Variants in AVEN observed in about 807,000 individuals in gnomAD.
AVEN encodes the protein apoptosis and caspase activation inhibitor.
Under a neutral mutation model 38.1 loss-of-function variants are expected in AVEN, and 41 were observed. That is an observed-to-expected ratio of 1.08 (90% CI 0.84 to 1.40). AVEN has a LOEUF of 1.40. Ranked by LOEUF, AVEN falls within the 40% of genes most tolerant of loss-of-function variation. The pLI is 0.00. For synonymous variants in AVEN, 206 were observed against 171.8 expected (o/e 1.20, Z -1.56); for missense variants, 605 against 438.8 (o/e 1.38, Z -3.38).
At chr15:33,890,189 T>C (rs981730673) in intron 2 of AVEN, among the ~76,000 whole-genome samples, 1 of 152,194 alleles carries the variant, frequency 6.6e-6, no homozygotes, top group Non-Finnish European at 1.5e-5. Flanking sequence ...GTCTGAGGTA[T>C]ATAGTGATCT....
chr15:33,859,743 A>T, intron 11 of AVEN: 1 of 1,599,944 alleles, frequency 6.3e-7, no homozygotes. Flanking sequence ...TATGATTGCC[A>T]ATTGTGTTGA....
intron 2 of AVEN, among the ~76,000 whole-genome samples, chr15:33,904,728 C>CACACACAT (rs1454976569): frequency 1.3e-5 from 2 of 149,450 alleles, no homozygotes. Context: ...CACACACACA[C>CACACACAT]GAATATGCAC....
rs200355232 is a variant in AVEN at position 34,008,483 on chromosome 15, C to CTT, written c.268-5276_268-5275dup. Among the ~76,000 whole-genome samples, 232 of 119,202 alleles carry CTT rather than the reference C, an allele frequency of 1.9e-3. 1 individual carries two copies. Among genetic ancestry groups the CTT allele is most frequent in the African/African-American group, 8.0e-3 (183 of 22,916 alleles). The allele number at this position is 119,202 out of a possible 152,430, so 78.2% of individuals were successfully genotyped here. A position where few individuals can be genotyped will look rare whatever the true frequency, so the allele number is the denominator to read the frequency against. ...AAACTTCCCAAAGTTGATGAAAAAC[C>CTT]TTTTTTTTTTTTTTTTTTTTTTTGA... On this transcript the variant is annotated intron_variant, in intron 1 of 5. Coordinates refer to ENST00000306730, the MANE Select transcript of AVEN (RefSeq NM_020371.3).
chr15:34,036,544 G>A (rs1398748087), intron 1 of AVEN, among the ~76,000 whole-genome samples: 1 of 152,050 alleles, frequency 6.6e-6, no homozygotes, highest in Admixed American at 6.5e-5. Flanking sequence ...CTCATGTAAT[G>A]GTTAAGCACC....
chr15:34,063,990 CA>C lies in AVEN; in HGVS notation n.1127-559del, dbSNP rs1244612850. 1 of 1,614,064 alleles carries C rather than the reference CA, an allele frequency of 6.2e-7. No individual in the cohort carries two copies. The highest frequency in any genetic ancestry group is 8.5e-7 in the Non-Finnish European group (1 of 1,180,040). On this transcript the variant is annotated intron_variant and non_coding_transcript_variant, in intron 4 of 11. Transcript: ENST00000675287. This position sits in a 1 kb window ranked among gnomAD's most constrained non-coding sequence, Gnocchi z 4.1. The stretch of plus-strand genomic sequence containing the variant: ...AGGCCTCAATCCCAACCCCAGCCAT[CA>C]AATGACCAAACGAAAGAGAGTGGTC...
intron 2 of AVEN, among the ~76,000 whole-genome samples, chr15:33,958,857 C>T (rs527979130): frequency 1.3e-5 from 2 of 152,216 alleles, no homozygotes; most frequent in East Asian, 3.9e-4. Context: ...TAGGTGTGCT[C>T]GTGTCTTTTA....
chr15:33,951,800 A>G (rs1894761443), intron 2 of AVEN, among the ~76,000 whole-genome samples: 1 of 152,208 alleles, frequency 6.6e-6, no homozygotes, highest in African/African-American at 2.4e-5. Context: ...AATGATAAGA[A>G]GAAATTGTTT....
chr15:34,054,160 T>A, intron 5 of AVEN, among the ~76,000 whole-genome samples: 1 of 152,102 alleles, frequency 6.6e-6, no homozygotes, highest in East Asian at 1.9e-4. Flanking sequence ...ATGACTATTA[T>A]TAAAACTCGA....
intron 2 of AVEN, among the ~76,000 whole-genome samples, chr15:33,967,602 A>G (rs1391981341): frequency 6.6e-6 from 1 of 151,990 alleles, no homozygotes; most frequent in Non-Finnish European, 1.5e-5. Context: ...ATGTTCCATA[A>G]TAATTTTTTA....
rs144463162 is a variant in AVEN at position 33,961,458 on chromosome 15, A to G, written c.445+41574T>C. On this transcript the variant is annotated intron_variant, in intron 2 of 5. Coordinates refer to ENST00000306730, the MANE Select transcript of AVEN (RefSeq NM_020371.3). ...CTAACGTATCGACTTTTAACTAGTT[A>G]CAAGATCTGCATCCTTGGGTGAATG... 3.6e-3 allele frequency among the ~76,000 whole-genome samples: 549 copies of G among 152,282 alleles called. 2 individuals are homozygous for G. The highest frequency in any genetic ancestry group is 0.013 in the African/African-American group (532 of 41,568).
intron 2 of AVEN, among the ~76,000 whole-genome samples, chr15:33,944,310 G>T (rs962513734): frequency 2.6e-5 from 4 of 152,292 alleles, no homozygotes; most frequent in Middle Eastern, 3.4e-3. Flanking sequence ...TCCCTGAGCA[G>T]ATCAGAGAAA....
chr15:33,990,376 T>G (rs771800637), intron 2 of AVEN, among the ~76,000 whole-genome samples: 37 of 151,738 alleles, frequency 2.4e-4, no homozygotes, highest in Non-Finnish European at 4.3e-4. Flanking sequence ...AGTGAGACCC[T>G]GTCTGAAAAA....
chr15:33,895,026 G>A (rs1047662114), intron 2 of AVEN, among the ~76,000 whole-genome samples: 69 of 151,762 alleles, frequency 4.5e-4, no homozygotes, highest in Admixed American at 4.3e-3. Flanking sequence ...CAAGATCCCA[G>A]AATGTTCTTT....
At chr15:33,933,524 C>CACACACACACAGAGAGAG (rs1893945145) in intron 2 of AVEN, among the ~76,000 whole-genome samples, 25 of 46,640 alleles carry the variant, frequency 5.4e-4, no homozygotes, top group South Asian at 1.1e-3. Context: ...CACACACACA[C>CACACACACACAGAGAGAG]AGAGAGAGAG....
chr15:33,982,258 C>T (rs558980008), intron 2 of AVEN, among the ~76,000 whole-genome samples: 2 of 152,138 alleles, frequency 1.3e-5, no homozygotes, highest in East Asian at 3.9e-4. Flanking sequence ...CAAATTAAGC[C>T]AATCTAATTC....
chr15:33,940,305 A>G (rs182282501), intron 2 of AVEN, among the ~76,000 whole-genome samples: 2 of 152,282 alleles, frequency 1.3e-5, no homozygotes. Flanking sequence ...TAACTTTCCA[A>G]AATAGAGTAA....
At chr15:34,059,537 C>G (rs1338004157) in intron 5 of AVEN, among the ~76,000 whole-genome samples, 7 of 152,126 alleles carry the variant, frequency 4.6e-5, no homozygotes, top group Non-Finnish European at 8.8e-5. Context: ...CTCTTAGGTC[C>G]TCTCCTGTCC....
At chr15:33,876,436 G>A (rs1327696549) in intron 2 of AVEN, among the ~76,000 whole-genome samples, 1 of 68,568 alleles carries the variant, frequency 1.5e-5, no homozygotes, top group East Asian at 4.4e-4. Context: ...GCTGGGCGTG[G>A]TGGCACGTGC....
intron 2 of AVEN, among the ~76,000 whole-genome samples, chr15:33,974,096 C>T (rs970546408): frequency 3.9e-5 from 6 of 152,210 alleles, no homozygotes; most frequent in Middle Eastern, 3.4e-3. Flanking sequence ...ATCCCTTATG[C>T]TTTTGCTCTA....
Sources: allele counts gnomAD v4.1 joint callset (sites outside exome capture counted in the v4.1 genomes callset), GRCh38; gene constraint gnomAD v4.1.1; non-coding constraint Gnocchi (gnomAD v3.1); transcripts MANE v1.5; gene names NCBI Gene and HGNC (gene_info 2026-07-23, HGNC 2026-07-21).